GIPC2: variants seen among roughly 807,000 people sequenced by gnomAD.
The protein encoded by GIPC2 is PDZ domain-containing protein GIPC2.
Under a neutral mutation model 30.6 loss-of-function variants are expected in GIPC2, and 30 were observed. That is an observed-to-expected ratio of 0.98 (90% CI 0.73 to 1.33). GIPC2 has a LOEUF of 1.33. GIPC2 is among the 40% of genes most tolerant of loss of function. The pLI is 0.00. For synonymous variants in GIPC2, 167 were observed against 150.0 expected, an observed-to-expected ratio of 1.11 and a Z score of -0.83; for missense variants, 414 against 390.3, an observed-to-expected ratio of 1.06 and a Z score of -0.51.
At chr1:78,119,592 A>G in intron 4 of GIPC2, 93 bp downstream of exon 4, 1 of 736,386 alleles carries the variant, frequency 1.4e-6, no homozygotes, top group South Asian at 1.7e-5. Flanking sequence ...CTTTTAATTC[A>G]CTGTCTATTT....
chr1:78,049,932 T>A (rs12047144), intron 1 of GIPC2, among the ~76,000 whole-genome samples: 2 of 143,252 alleles, frequency 1.4e-5, no homozygotes, highest in Non-Finnish European at 3.0e-5. Flanking sequence ...AGTCTAGCTC[T>A]GTCGCCCAGG....
At chr1:78,055,889 A>G (rs1661286494) in intron 1 of GIPC2, among the ~76,000 whole-genome samples, 1 of 152,164 alleles carries the variant, frequency 6.6e-6, no homozygotes, top group Non-Finnish European at 1.5e-5. Context: ...TAAATGGCAG[A>G]CACCTTCCAT....
chr1:78,060,456 A>T (rs1661371926), intron 1 of GIPC2, among the ~76,000 whole-genome samples: 1 of 151,986 alleles, frequency 6.6e-6, no homozygotes, highest in Admixed American at 6.6e-5. Context: ...ACCCTCTTTC[A>T]TCTCTTGATT....
At chr1:78,055,481 T>C (rs1302797357) in intron 1 of GIPC2, among the ~76,000 whole-genome samples, 1 of 152,210 alleles carries the variant, frequency 6.6e-6, no homozygotes, top group Non-Finnish European at 1.5e-5. Flanking sequence ...AGTAGCTTTA[T>C]ACTGTAGAGA....
At chr1:78,071,285 AT>A (rs1235815214) in intron 1 of GIPC2, among the ~76,000 whole-genome samples, 8 of 152,148 alleles carry the variant, frequency 5.3e-5, no homozygotes, top group African/African-American at 1.4e-4. Flanking sequence ...TTTTAAAATC[AT>A]TTATAATAAT....
chr1:78,047,507 T>G (rs574373568), intron 1 of GIPC2, among the ~76,000 whole-genome samples: 3 of 152,146 alleles, frequency 2.0e-5, no homozygotes, highest in Admixed American at 6.5e-5. Flanking sequence ...CTAATAATAC[T>G]TCACATTTAT....
At chr1:78,067,698 G>A (rs1182818947) in intron 1 of GIPC2, among the ~76,000 whole-genome samples, 1 of 152,144 alleles carries the variant, frequency 6.6e-6, no homozygotes, top group Non-Finnish European at 1.5e-5. Context: ...TGATCCATCT[G>A]CCTTAGCCTC....
chr1:78,082,119 G>A (rs1002846879), intron 2 of GIPC2, among the ~76,000 whole-genome samples: 2 of 152,062 alleles, frequency 1.3e-5, no homozygotes, highest in African/African-American at 4.8e-5. Context: ...GAGATCCATG[G>A]ATAGGTACTA....
intron 2 of GIPC2, 73 bp from the exon 3 acceptor site, chr1:78,094,879 C>T: frequency 9.3e-7 from 1 of 1,080,186 alleles, no homozygotes; most frequent in Non-Finnish European, 1.4e-6. Flanking sequence ...GCTTAGCTTC[C>T]AAGATCAGAT....
chr1:78,131,144 TTTTTTC>T (rs1360083108), intron 5 of GIPC2, among the ~76,000 whole-genome samples: 1 of 139,668 alleles, frequency 7.2e-6, no homozygotes, highest in Admixed American at 6.9e-5. Flanking sequence ...TTAAATCTAT[TTTTTTC>T]TTTTTTTCTC....
intron 1 of GIPC2, among the ~76,000 whole-genome samples, chr1:78,074,288 C>T (rs1273767292): frequency 6.6e-6 from 1 of 152,144 alleles, no homozygotes; most frequent in Non-Finnish European, 1.5e-5. Flanking sequence ...TGTAGTAGCA[C>T]ATAGCACATA....
At chr1:78,066,197 A>C (rs1012311613) in intron 1 of GIPC2, among the ~76,000 whole-genome samples, 1 of 152,190 alleles carries the variant, frequency 6.6e-6, no homozygotes, top group Non-Finnish European at 1.5e-5. Flanking sequence ...AAGAAAAAAA[A>C]CCCAACTCCA....
Position 78,052,395 on chromosome 1 carries a change from C to T in GIPC2, c.240+6061C>T, listed in dbSNP as rs1311689335. On this transcript the variant is annotated intron_variant, in intron 1 of 5. Coordinates refer to ENST00000370759, the MANE Select transcript of GIPC2 (RefSeq NM_017655.6). ...TGGCCCTCAAGGGCCTAGACTTTGC[C>T]TGAAACATATTATAGTTGGAGTTTA... 4.6e-5 allele frequency among the ~76,000 whole-genome samples: 7 copies of T among 152,290 alleles called. No individual in the cohort carries two copies. In the East Asian group the frequency reaches 1.2e-3, roughly 25 times the overall value.
rs1014352540 is a variant in GIPC2, at chr1:78,136,963, C to A, written c.*1220C>A. The A allele has an allele frequency of 6.6e-6, 1 of 152,012 alleles. No homozygotes were observed. The highest frequency in any genetic ancestry group is 1.5e-5 in the Non-Finnish European group (1 of 67,962). 9.4% of individuals were successfully genotyped at this position (152,012 alleles called of 1,614,324 possible). ...CTGCCATGGTAATCAGAAATAATAACCTGTTAGGGATGTATTCTAGGAAAT... is the reference window on the plus strand; with the variant it reads ...CTGCCATGGTAATCAGAAATAATAAACTGTTAGGGATGTATTCTAGGAAAT... On this transcript the variant is annotated 3_prime_UTR_variant, in exon 6 of 6. Coordinates refer to ENST00000370759, the MANE Select transcript of GIPC2 (RefSeq NM_017655.6).
At chr1:78,051,187 T>TAA (rs200722957) in intron 1 of GIPC2, among the ~76,000 whole-genome samples, 8 of 140,198 alleles carry the variant, frequency 5.7e-5, no homozygotes, top group East Asian at 2.1e-4. Flanking sequence ...TTGTAAAATG[T>TAA]AAAAAAAAAA....
chr1:78,104,850 T>C (rs186783355), intron 3 of GIPC2, among the ~76,000 whole-genome samples: 46 of 152,348 alleles, frequency 3.0e-4, no homozygotes, highest in African/African-American at 1.1e-3. Flanking sequence ...CTCTCTTTCA[T>C]GTATTTTTTG....
chr1:78,066,902 G>C (rs1661523206), intron 1 of GIPC2, among the ~76,000 whole-genome samples: 1 of 152,156 alleles, frequency 6.6e-6, no homozygotes, highest in South Asian at 2.1e-4. Flanking sequence ...GATGGGAGGA[G>C]GGAGAAGATC....
chr1:78,097,605 C>T (rs1356758930), intron 3 of GIPC2, among the ~76,000 whole-genome samples: 1 of 152,088 alleles, frequency 6.6e-6, no homozygotes, highest in East Asian at 1.9e-4. Context: ...CCTTCATTTC[C>T]ATATTTTAGG....
At chr1:78,116,879 G>C (rs909912944) in intron 3 of GIPC2, among the ~76,000 whole-genome samples, 1 of 152,168 alleles carries the variant, frequency 6.6e-6, no homozygotes, top group Admixed American at 6.5e-5. Context: ...CCAGTAATGG[G>C]ATGGCTGGGT....
Sources: gnomAD v4.1 joint callset for allele counts (sites outside exome capture counted in the v4.1 genomes callset) on GRCh38, gnomAD v4.1.1 for gene constraint, MANE v1.5 for transcripts, NCBI Gene and HGNC (gene_info 2026-07-23, HGNC 2026-07-21) for gene names.